The following DOCK7 variants were observed in gnomAD, a reference collection of about 807,000 sequenced individuals.
DOCK7 encodes dedicator of cytokinesis 7, also known as dedicator of cytokinesis protein 7.
DOCK7 carries 138 observed loss-of-function variants against 271.0 expected under a neutral mutation model. The observed-to-expected ratio is 0.51, with a 90% CI of 0.44 to 0.59. The LOEUF (loss-of-function observed/expected upper bound fraction) is 0.59. Among genes scored for constraint, DOCK7 ranks in the 20% least tolerant of loss-of-function variants. The pLI, the probability that DOCK7 is intolerant of heterozygous loss-of-function variation, is 0.00. For missense variants in DOCK7, 2,066 were observed against 2,592.4 expected (o/e 0.80, Z 4.41); for synonymous variants, 823 against 876.1 (o/e 0.94, Z 1.07).
At chr1:62,588,723 ATT>A (rs1647937195) in intron 14 of DOCK7, among the ~76,000 whole-genome samples, 1 of 151,216 alleles carries the variant, frequency 6.6e-6, no homozygotes, top group South Asian at 2.1e-4. Context: ...TAAATCCATT[ATT>A]TTTTTAATTT....
At chr1:62,633,717 CATT>C in intron 9 of DOCK7, 139 bp from the exon 10 acceptor site, 1 of 609,702 alleles carries the variant, frequency 1.6e-6, no homozygotes, top group Non-Finnish European at 2.9e-6. Context: ...GTAGAACAAA[CATT>C]AGACAAAATT....
At chr1:62,636,502 T>C (rs751721930) in intron 8 of DOCK7, 35 bp downstream of exon 8, 1 of 1,510,748 alleles carries the variant, frequency 6.6e-7, no homozygotes, top group East Asian at 2.3e-5. Context: ...CCAATGATTA[T>C]GACAAATAAC....
intron 30 of DOCK7, 138 bp downstream of exon 30, chr1:62,529,139 A>G (rs1377337928): frequency 5.0e-6 from 4 of 797,184 alleles, no homozygotes; most frequent in Non-Finnish European, 5.4e-6. Flanking sequence ...CTGGCAATAT[A>G]GTTTAATATT....
chr1:62,679,288 G>A (rs938036648), intron 1 of DOCK7, among the ~76,000 whole-genome samples: 1 of 151,996 alleles, frequency 6.6e-6, no homozygotes, highest in African/African-American at 2.4e-5. Context: ...AAGTTAAACT[G>A]CATTAAAACT....
At chr1:62,577,653 A>G (rs997102592) in intron 17 of DOCK7, among the ~76,000 whole-genome samples, 2 of 152,194 alleles carry the variant, frequency 1.3e-5, no homozygotes, top group Non-Finnish European at 2.9e-5. Context: ...CATGAAGTAA[A>G]TCCATTTTAA....
intron 7 of DOCK7, among the ~76,000 whole-genome samples, chr1:62,645,500 G>C (rs961734847): frequency 1.3e-5 from 2 of 152,054 alleles, no homozygotes; most frequent in African/African-American, 2.4e-5. Context: ...ACAGAAAGTA[G>C]GACAGTGGTT....
chr1:62,549,172 C>T (rs992550350), intron 22 of DOCK7, among the ~76,000 whole-genome samples: 15 of 151,950 alleles, frequency 9.9e-5, no homozygotes, highest in African/African-American at 3.6e-4. Context: ...GGGAAACTAA[C>T]AGAATGTAGT....
In DOCK7 at chr1:62,638,767, TAG is replaced by T. The variant is rs539162502; in HGVS notation, c.819-2166_819-2165del. Among the ~76,000 whole-genome samples the T allele has an allele frequency of 1.9e-3, 281 of 151,166 alleles. 1 individual carries two copies. Among genetic ancestry groups the T allele is most frequent in the African/African-American group, 6.6e-3 (273 of 41,310 alleles). ...GAAACACATACATAGACAAGACAGA[TAG>T]ACACAAAGAGAGGAAAGCAGGGGGG... On this transcript the variant is annotated intron_variant, in intron 7 of 49. Transcript: ENST00000635253.
chr1:62,625,624 C>T, intron 11 of DOCK7, among the ~76,000 whole-genome samples: 1 of 152,044 alleles, frequency 6.6e-6, no homozygotes, highest in South Asian at 2.1e-4. Flanking sequence ...TTCTAACATG[C>T]AAAGATCTAT....
At chr1:62,482,118 CA>C (rs954417654) in intron 43 of DOCK7, 1 of 152,122 alleles carries the variant, frequency 6.6e-6, no homozygotes, top group African/African-American at 2.4e-5. Context: ...ATATTAACAA[CA>C]AAAATAACAA....
chr1:62,544,447 T>C (rs776763188), intron 23 of DOCK7, among the ~76,000 whole-genome samples: 10 of 152,214 alleles, frequency 6.6e-5, no homozygotes. Flanking sequence ...TTGAGTCTTA[T>C]AGCACGGGGA....
chr1:62,480,657 T>A (rs937047968), intron 43 of DOCK7, among the ~76,000 whole-genome samples: 10 of 152,142 alleles, frequency 6.6e-5, no homozygotes, highest in African/African-American at 2.4e-4. Flanking sequence ...GTTCATCCAT[T>A]CAAATACTTA....
intron 1 of DOCK7, among the ~76,000 whole-genome samples, chr1:62,668,033 AAAAT>A (rs563282649): frequency 1.3e-4 from 20 of 152,210 alleles, no homozygotes; most frequent in Non-Finnish European, 2.6e-4. Flanking sequence ...AAAACAAAAT[AAAAT>A]AAATAAATAA....
chr1:62,496,088 T>G (rs1437654907), intron 38 of DOCK7, among the ~76,000 whole-genome samples: 3 of 148,354 alleles, frequency 2.0e-5, no homozygotes, highest in African/African-American at 7.3e-5. Flanking sequence ...AAGCTTTGTC[T>G]GCACTGTCCA....
At chr1:62,456,628 C>G (rs1645356084) in intron 49 of DOCK7, among the ~76,000 whole-genome samples, 1 of 152,022 alleles carries the variant, frequency 6.6e-6, no homozygotes, top group Admixed American at 6.6e-5. Context: ...TAGAGGACGG[C>G]AAAAACTCGG....
intron 35 of DOCK7, among the ~76,000 whole-genome samples, chr1:62,507,167 A>G (rs1646966140): frequency 6.6e-6 from 1 of 152,068 alleles, no homozygotes; most frequent in Admixed American, 6.5e-5. Flanking sequence ...GGTGGGAAGA[A>G]TACAGAGTGA....
Position 62,578,883 on chromosome 1 carries a change from T to C in DOCK7, c.1955A>G (p.His652Arg), listed in dbSNP as rs1389109627. 3.1e-6 allele frequency: 5 copies of C among 1,608,204 alleles called. No homozygotes were observed. Among genetic ancestry groups the C allele is most frequent in the South Asian group, 1.1e-5 (1 of 90,046 alleles). ...ATTTTGTTTTTGTTGACAACTAACA[T>C]GATAAAAAGTAAAAAGCAAGTGATG... is the stretch of plus-strand genomic sequence containing the variant. ...DHHHLLFTFY[H>R]VSCQQKQNTP... Residue 652 changes from histidine (H) to arginine (R), a missense_variant, in exon 17 of 50, where the codon CAT (histidine) becomes CGT (arginine). Physicochemically the swap from His to Arg is conservative, Grantham distance 29 (BLOSUM62 0). Coordinates refer to ENST00000635253, the MANE Select transcript of DOCK7 (RefSeq NM_001367561.1).
intron 18 of DOCK7, among the ~76,000 whole-genome samples, chr1:62,574,639 T>C (rs1646887482): frequency 6.6e-6 from 1 of 152,200 alleles, no homozygotes. Flanking sequence ...AAGACTGCTT[T>C]TGACTTCTTT....
intron 18 of DOCK7, among the ~76,000 whole-genome samples, chr1:62,564,842 T>C (rs900526534): frequency 3.3e-5 from 5 of 151,704 alleles, no homozygotes; most frequent in Non-Finnish European, 5.9e-5. Flanking sequence ...ATCAAATAGA[T>C]GCAATAAAAA....
Sources: allele counts gnomAD v4.1 joint callset (sites outside exome capture counted in the v4.1 genomes callset), GRCh38; gene constraint gnomAD v4.1.1; transcripts MANE v1.5; gene names NCBI Gene and HGNC (gene_info 2026-07-23, HGNC 2026-07-21).